GPALPP1: variants seen among roughly 807,000 people sequenced by gnomAD.
The protein encoded by GPALPP1 is GPALPP motifs containing 1.
A neutral mutation model predicts 38.9 loss-of-function variants in GPALPP1; 30 were observed. The observed-to-expected ratio is 0.77, with a 90% CI of 0.58 to 1.05. GPALPP1 has a LOEUF of 1.05. GPALPP1 is among the 50% of genes least tolerant of loss of function. GPALPP1 has a pLI of 0.00. For synonymous variants in GPALPP1, 120 were observed against 139.2 expected (o/e 0.86, Z 0.97); for missense variants, 384 against 408.8 (o/e 0.94, Z 0.52).
intron 6 of GPALPP1, among the ~76,000 whole-genome samples, chr13:45,015,885 A>G (rs1353054936): frequency 2.6e-5 from 4 of 152,272 alleles, no homozygotes; most frequent in African/African-American, 7.2e-5. Flanking sequence ...TATGAGGTCA[A>G]CGTTTCTAGG....
intron 1 of GPALPP1, among the ~76,000 whole-genome samples, chr13:45,003,063 A>G (rs890745855): frequency 6.6e-6 from 1 of 152,066 alleles, no homozygotes; most frequent in African/African-American, 2.4e-5. Flanking sequence ...CTGTTGTTGG[A>G]TGGATGGTTG....
intron 6 of GPALPP1, among the ~76,000 whole-genome samples, chr13:45,018,900 T>TACATATAAATATATAC (rs1875073595): frequency 1.4e-5 from 2 of 146,472 alleles, no homozygotes; most frequent in Admixed American, 1.4e-4. Flanking sequence ...TAAATATATA[T>TACATATAAATATATAC]ACATATAAAT....
chr13:45,015,369 T>C lies in GPALPP1; in HGVS notation c.541-63T>C, dbSNP rs1205502259. ...TGCATGACACAGTTGCTTGTACATA[T>C]ATATGTACTCATCTTATACACGATA... is the stretch of plus-strand genomic sequence containing the variant. On this transcript the variant is annotated intron_variant, in intron 5 of 7. Coordinates refer to ENST00000379151, the MANE Select transcript of GPALPP1 (RefSeq NM_018559.5). 3.3e-5 allele frequency: 33 copies of C among 990,076 alleles called. No homozygotes were observed. In the East Asian group the frequency reaches 8.4e-4, roughly 25 times the overall value. 61.3% of individuals were successfully genotyped at this position (990,076 alleles called of 1,614,324 possible).
intron 1 of GPALPP1, among the ~76,000 whole-genome samples, chr13:44,990,655 G>A (rs1401637527): frequency 6.6e-6 from 1 of 152,096 alleles, no homozygotes; most frequent in Non-Finnish European, 1.5e-5. Flanking sequence ...GACTAGCACC[G>A]ACACCCAGTT....
At position 45,028,152 on chromosome 13, in the gene GPALPP1, A is replaced by G. The variant is rs1365146871; in HGVS notation, c.*149A>G. 7.0e-6 allele frequency: 3 copies of G among 427,622 alleles called. No individual in the cohort carries two copies. Among genetic ancestry groups the G allele is most frequent in the Middle Eastern group, 6.3e-4 (1 of 1,588 alleles). The allele number at this position is 427,622 out of a possible 1,614,324, so 26.5% of individuals were successfully genotyped here. ...TTTTATAAGTAAACAGTGATTTTTG[A>G]AAAGTCAGCCTTGTGGGATGAAAAA... On this transcript the variant is annotated 3_prime_UTR_variant, in exon 8 of 8. Transcript: ENST00000379151.
In GPALPP1 at chr13:45,027,986, G is replaced by C. The variant is rs1566086249; in HGVS notation, c.1006G>C (p.Gly336Arg). ...ELNTRFSHGK[G>R]NMFL ...AAACACCAGATTTTCACACGGCAAAGGCAATATGTTTTTATAAGTAAGTAT... is the reference window on the plus strand; with the variant it reads ...AAACACCAGATTTTCACACGGCAAACGCAATATGTTTTTATAAGTAAGTAT... Residue 336 changes from glycine (G) to arginine (R), a missense_variant, in exon 8 of 8, where the codon GGC becomes CGC. By Grantham distance (125) the Gly-to-Arg change is moderately radical (BLOSUM62 -2). Coordinates refer to ENST00000379151, the MANE Select transcript of GPALPP1 (RefSeq NM_018559.5). 2 of 1,588,958 alleles carry C rather than the reference G, an allele frequency of 1.3e-6. No homozygotes were observed. Among genetic ancestry groups the C allele is most frequent in the Non-Finnish European group, 8.6e-7 (1 of 1,158,184 alleles).
At chr13:45,031,363 A>G (rs1408545714), downstream of GPALPP1, 1 of 152,226 alleles carries the variant, frequency 6.6e-6, no homozygotes, top group African/African-American at 2.4e-5. Context: ...AAAGGAAAAA[A>G]GTATTTTGTA....
At chr13:44,992,346 G>A (rs545920715) in intron 1 of GPALPP1, among the ~76,000 whole-genome samples, 1 of 152,182 alleles carries the variant, frequency 6.6e-6, no homozygotes, top group South Asian at 2.1e-4. Context: ...TTGATTTATA[G>A]AGTTCTTTTT....
At chr13:45,001,167 G>A (rs574386435) in intron 1 of GPALPP1, among the ~76,000 whole-genome samples, 6 of 152,164 alleles carry the variant, frequency 3.9e-5, no homozygotes, top group Non-Finnish European at 7.3e-5. Context: ...GAGTTCTCAT[G>A]AGATCTGATA....
chr13:44,996,290 G>A (rs887204822), intron 1 of GPALPP1, among the ~76,000 whole-genome samples: 1 of 151,866 alleles, frequency 6.6e-6, no homozygotes, highest in Non-Finnish European at 1.5e-5. Flanking sequence ...AGGAGTTTGA[G>A]GTTGCAGTGA....
chr13:44,989,992 T>C (rs1385005675), intron 1 of GPALPP1: 6 of 572,808 alleles, frequency 1.0e-5, no homozygotes, highest in Non-Finnish European at 3.1e-6. Context: ...TAATATGAGC[T>C]GCACGCTGCC....
intron 4 of GPALPP1, among the ~76,000 whole-genome samples, chr13:45,010,257 A>G (rs552939766): frequency 2.0e-5 from 3 of 152,236 alleles, no homozygotes; most frequent in South Asian, 4.2e-4. Flanking sequence ...TCTCCTACAT[A>G]TCTATGTGGC....
chr13:45,013,863 G>T (rs897141435), intron 4 of GPALPP1, among the ~76,000 whole-genome samples: 1 of 152,102 alleles, frequency 6.6e-6, no homozygotes, highest in Non-Finnish European at 1.5e-5. Flanking sequence ...TGGATAAAAT[G>T]TGCACCATTT....
intron 6 of GPALPP1, among the ~76,000 whole-genome samples, chr13:45,015,931 TTTTAGAC>T (rs1874835705): frequency 1.3e-5 from 2 of 152,178 alleles, no homozygotes; most frequent in African/African-American, 4.8e-5. Flanking sequence ...AATAATTTCA[TTTTAGAC>T]CTTTCTAGCT....
At chr13:44,993,805 C>T (rs985797245) in intron 1 of GPALPP1, among the ~76,000 whole-genome samples, 1 of 117,014 alleles carries the variant, frequency 8.5e-6, no homozygotes, top group African/African-American at 2.8e-5. Context: ...TTGTTAATTT[C>T]TGTTTGTCTT....
intron 4 of GPALPP1, among the ~76,000 whole-genome samples, chr13:45,009,333 A>G (rs1874318422): frequency 6.6e-6 from 1 of 152,244 alleles, no homozygotes; most frequent in South Asian, 2.1e-4. Context: ...TTAGGAAAAG[A>G]TAGACCAAAT....
chr13:44,990,088 A>T, intron 1 of GPALPP1: 1 of 494,158 alleles, frequency 2.0e-6, no homozygotes. Context: ...GCCCAAGCCC[A>T]TGCCAGTGTC....
intron 1 of GPALPP1, among the ~76,000 whole-genome samples, chr13:45,003,714 C>T (rs192803196): frequency 3.8e-4 from 58 of 152,218 alleles, no homozygotes; most frequent in South Asian, 3.5e-3. Context: ...AGACCCTTAC[C>T]ACTCTCCCTA....
intron 6 of GPALPP1, among the ~76,000 whole-genome samples, chr13:45,017,383 A>G (rs561655229): frequency 6.6e-6 from 1 of 152,220 alleles, no homozygotes. Flanking sequence ...GAACCAACAC[A>G]TATAGGGGCA....
Sources: gnomAD v4.1 joint callset for allele counts (sites outside exome capture counted in the v4.1 genomes callset) on GRCh38, gnomAD v4.1.1 for gene constraint, MANE v1.5 for transcripts, NCBI Gene and HGNC (gene_info 2026-07-23, HGNC 2026-07-21) for gene names.